The following ZDHHC18 variants were observed in gnomAD, a reference collection of about 807,000 sequenced individuals.
ZDHHC18 encodes the protein palmitoyltransferase ZDHHC18.
A neutral mutation model predicts 37.5 loss-of-function variants in ZDHHC18; 23 were observed. The observed-to-expected ratio is 0.61, with a 90% CI of 0.44 to 0.87. ZDHHC18 has a LOEUF of 0.87. Ranked by LOEUF, ZDHHC18 falls within the 40% of genes least tolerant of loss-of-function variation. ZDHHC18 has a pLI of 0.00. For synonymous variants in ZDHHC18, 185 were observed against 218.7 expected, an observed-to-expected ratio of 0.85 and a Z score of 1.36; for missense variants, 406 against 525.6, an observed-to-expected ratio of 0.77 and a Z score of 2.22.
At chr1:26,830,596 T>C (rs561888664) in intron 1 of ZDHHC18, among the ~76,000 whole-genome samples, 2 of 152,220 alleles carry the variant, frequency 1.3e-5, no homozygotes, top group Non-Finnish European at 2.9e-5. Flanking sequence ...ATTAGGGCAG[T>C]GTCTGGCACA....
chr1:26,827,702 A>G (rs2081565075), intron 1 of ZDHHC18, among the ~76,000 whole-genome samples: 1 of 151,784 alleles, frequency 6.6e-6, no homozygotes, highest in South Asian at 2.1e-4. Flanking sequence ...CCTTTTCTCT[A>G]GTCTCAGACA....
intron 2 of ZDHHC18, among the ~76,000 whole-genome samples, chr1:26,837,799 AACTC>A (rs1226700875): frequency 6.6e-6 from 1 of 150,942 alleles, no homozygotes; most frequent in African/African-American, 2.4e-5. Context: ...TCTTCTTGAA[AACTC>A]ACTCATGAGA....
intron 2 of ZDHHC18, among the ~76,000 whole-genome samples, chr1:26,842,990 G>T (rs990059841): frequency 3.9e-5 from 6 of 152,330 alleles, no homozygotes; most frequent in Admixed American, 1.3e-4. Context: ...CCACTGTTCA[G>T]GTTCTCTGTG....
At chr1:26,839,017 G>A (rs1286999712) in intron 2 of ZDHHC18, among the ~76,000 whole-genome samples, 3 of 152,282 alleles carry the variant, frequency 2.0e-5, no homozygotes, top group Non-Finnish European at 2.9e-5. Flanking sequence ...GCAGAGGGCA[G>A]TCAGGGCCTT....
intron 2 of ZDHHC18, 133 bp downstream of exon 2, chr1:26,832,740 C>G: frequency 9.5e-7 from 1 of 1,057,186 alleles, no homozygotes. Context: ...CAGGCTGGAG[C>G]TGACACTGGC....
rs574730349 is a variant in ZDHHC18, at chr1:26,853,762, C to T, written c.1086C>T (p.Thr362=). The T allele has an allele frequency of 1.1e-4, 179 of 1,614,030 alleles. No individual in the cohort carries two copies. Among genetic ancestry groups the T allele is most frequent in the Non-Finnish European group, 1.3e-4 (156 of 1,180,022 alleles). ...GGAGGGGATTTGTGCAGTCCGACAC[C>T]GTGTTGCCCTCACCCATCAGAAGCG... ...IDRRGFVQSD[T]VLPSPIRSDE... Residue 362 remains threonine, a synonymous_variant, in exon 8 of 8, where the codon ACC becomes ACT. Coordinates refer to ENST00000374142, the MANE Select transcript of ZDHHC18 (RefSeq NM_032283.3).
At chr1:26,845,316 C>T (rs2081658081) in intron 2 of ZDHHC18, among the ~76,000 whole-genome samples, 1 of 94,860 alleles carries the variant, frequency 1.1e-5, no homozygotes, top group Admixed American at 1.1e-4. Flanking sequence ...GTTACTTCTT[C>T]ATTCTTTTTT....
intron 2 of ZDHHC18, among the ~76,000 whole-genome samples, chr1:26,836,083 C>G (rs1370704366): frequency 6.6e-6 from 1 of 152,230 alleles, no homozygotes. Context: ...GGCTGTGCAG[C>G]TGGCTCACCC....
chr1:26,850,420 G>C lies in ZDHHC18; in HGVS notation c.766G>C (p.Val256Leu). Residue 256 changes from valine (V) to leucine (L), a missense_variant, in exon 4 of 8, where the codon GTC (valine) becomes CTC (leucine). Physicochemically the swap from Val to Leu is conservative, Grantham distance 32. Coordinates refer to ENST00000374142, the MANE Select transcript of ZDHHC18 (RefSeq NM_032283.3). This position sits in a 1 kb window ranked among gnomAD's most constrained non-coding sequence, Gnocchi z 6.1. ...GACGGCCTTCATCTTCGCCTGTGTGGTCACCCACCTGACGTTGCGTGAGTT... is the reference window on the plus strand; with the variant it reads ...GACGGCCTTCATCTTCGCCTGTGTGCTCACCCACCTGACGTTGCGTGAGTT... ...FLTAFIFACV[V>L]THLTLRAQGS... 6.2e-7 allele frequency: 1 copy of C among 1,614,226 alleles called. No homozygotes were observed. The highest frequency in any genetic ancestry group is 8.5e-7 in the Non-Finnish European group (1 of 1,180,048).
chr1:26,850,668 C>T lies in ZDHHC18; in HGVS notation c.833+62C>T. The T allele has an allele frequency of 6.3e-7, 1 of 1,578,224 alleles. No individual in the cohort carries two copies. The highest frequency in any genetic ancestry group is 8.7e-7 in the Non-Finnish European group (1 of 1,150,838). ...CTGAGGTCCCTTCACTGGGTGGGTG[C>T]CCTGCCTCATCCTCTAATCAGAAGG... On this transcript the variant is annotated intron_variant, in intron 5 of 7. Transcript: ENST00000374142. The surrounding 1 kb of genome is among the most constrained non-coding windows in gnomAD (Gnocchi z 6.1).
At chr1:26,844,557 T>C (rs537501672) in intron 2 of ZDHHC18, among the ~76,000 whole-genome samples, 3 of 152,308 alleles carry the variant, frequency 2.0e-5, no homozygotes, top group African/African-American at 4.8e-5. Context: ...TCATGCACAT[T>C]GCTGTTGGGT....
intron 6 of ZDHHC18, 59 bp downstream of exon 6, chr1:26,851,290 C>A: frequency 6.5e-7 from 1 of 1,538,402 alleles, no homozygotes; most frequent in Non-Finnish European, 9.0e-7. Context: ...GGAGGCAGGG[C>A]TGAGGGAGCC....
Position 26,837,262 on chromosome 1 carries a change from AT to A in ZDHHC18, c.496+4656del, listed in dbSNP as rs1286109930. Among the ~76,000 whole-genome samples the A allele has an allele frequency of 2.8e-5, 4 of 144,136 alleles. No homozygotes were observed. The Admixed American group carries it at 2.8e-4, about 10-fold the overall frequency. 94.6% of individuals were successfully genotyped at this position (144,136 alleles called of 152,430 possible). A position where few individuals can be genotyped will look rare whatever the true frequency, so the allele number is the denominator to read the frequency against. ...AGTGAGACTCTGTCTCAAAAAAAAT[AT>A]ATATATATATATATAAAATATACAT... On this transcript the variant is annotated intron_variant, in intron 2 of 7. Coordinates refer to ENST00000374142, the MANE Select transcript of ZDHHC18 (RefSeq NM_032283.3).
At chr1:26,834,386 TAAA>T (rs2081602162) in intron 2 of ZDHHC18, among the ~76,000 whole-genome samples, 4 of 152,298 alleles carry the variant, frequency 2.6e-5, no homozygotes, top group Middle Eastern at 3.4e-3. Context: ...AGGGCCAGGA[TAAA>T]GAAGCAGAGA....
chr1:26,836,918 T>C (rs911083843), intron 2 of ZDHHC18, among the ~76,000 whole-genome samples: 4 of 147,722 alleles, frequency 2.7e-5, no homozygotes, highest in Non-Finnish European at 5.9e-5. Flanking sequence ...TCTTTAAATA[T>C]ATATGTATAA....
chr1:26,846,966 G>A (rs2081671606), intron 2 of ZDHHC18, among the ~76,000 whole-genome samples: 1 of 151,532 alleles, frequency 6.6e-6, no homozygotes. Context: ...CATGATCTCG[G>A]CTCACTGCAA....
intron 2 of ZDHHC18, among the ~76,000 whole-genome samples, chr1:26,837,460 ATTATTTATTTATTTAT>A (rs756559483): frequency 6.9e-6 from 1 of 144,982 alleles, no homozygotes; most frequent in Non-Finnish European, 1.5e-5. Context: ...TATTATGTAT[ATTATTTATTTATTTAT>A]TTATTTATTT....
intron 3 of ZDHHC18, among the ~76,000 whole-genome samples, chr1:26,849,046 C>G (rs1485638674): frequency 6.6e-6 from 1 of 152,178 alleles, no homozygotes; most frequent in South Asian, 2.1e-4. Context: ...GGCTTCAGCC[C>G]GGTCCTCAAG....
At chr1:26,832,149 C>T (rs1292855685) in intron 1 of ZDHHC18, 4 of 325,898 alleles carry the variant, frequency 1.2e-5, no homozygotes, top group Non-Finnish European at 2.3e-5. Context: ...CTGCCTGAAG[C>T]TCTGTGTGTA....
Sources: allele counts gnomAD v4.1 joint callset (sites outside exome capture counted in the v4.1 genomes callset), GRCh38; gene constraint gnomAD v4.1.1; non-coding constraint Gnocchi (gnomAD v3.1); transcripts MANE v1.5; gene names NCBI Gene and HGNC (gene_info 2026-07-23, HGNC 2026-07-21).